The following INPP4B variants were observed in gnomAD, a reference collection of about 807,000 sequenced individuals.
INPP4B encodes the protein inositol polyphosphate-4-phosphatase type II B.
INPP4B carries 55 observed loss-of-function variants against 122.5 expected under a neutral mutation model. That is an observed-to-expected ratio of 0.45 (90% CI 0.36 to 0.56). The LOEUF (loss-of-function observed/expected upper bound fraction) is 0.56. Ranked by LOEUF, INPP4B falls within the 20% of genes least tolerant of loss-of-function variation. The probability of loss-of-function intolerance (pLI) is 0.00; values close to 1 mark genes in which losing one functional copy is unlikely to be tolerated. For synonymous variants in INPP4B, 403 were observed against 388.7 expected (o/e 1.04, Z -0.43); for missense variants, 1,000 against 1,097.7 (o/e 0.91, Z 1.26).
At chr4:142,483,055 C>A (rs1820752388) in intron 2 of INPP4B, among the ~76,000 whole-genome samples, 1 of 151,822 alleles carries the variant, frequency 6.6e-6, no homozygotes. Flanking sequence ...CTTCTTTATG[C>A]ATAGTCCCCC....
chr4:142,328,847 CAA>C (rs1773402996), intron 7 of INPP4B, among the ~76,000 whole-genome samples: 1 of 152,054 alleles, frequency 6.6e-6, no homozygotes, highest in Non-Finnish European at 1.5e-5. Context: ...GTCCTAAAAC[CAA>C]AAGTTTGAGA....
intron 2 of INPP4B, among the ~76,000 whole-genome samples, chr4:142,464,608 G>A (rs1347694679): frequency 1.5e-5 from 2 of 129,654 alleles, no homozygotes; most frequent in Admixed American, 8.2e-5. Flanking sequence ...TAAGATAACT[G>A]TTAAGAAAAA....
intron 2 of INPP4B, among the ~76,000 whole-genome samples, chr4:142,604,181 T>G (rs758924315): frequency 6.6e-6 from 1 of 152,148 alleles, no homozygotes; most frequent in Non-Finnish European, 1.5e-5. Context: ...TCAACACCTG[T>G]TCATGATAAA....
At chr4:142,664,501 A>C (rs1755697172) in intron 2 of INPP4B, among the ~76,000 whole-genome samples, 1 of 152,162 alleles carries the variant, frequency 6.6e-6, no homozygotes, top group African/African-American at 2.4e-5. Context: ...CATTTCTAAC[A>C]CATTAGAATG....
At chr4:142,284,390 A>G (rs1752572541) in intron 9 of INPP4B, among the ~76,000 whole-genome samples, 1 of 152,194 alleles carries the variant, frequency 6.6e-6, no homozygotes, top group African/African-American at 2.4e-5. Context: ...TAGACAGAAG[A>G]CGAGTTGACT....
At chr4:142,246,607 T>C (rs184895658) in intron 11 of INPP4B, among the ~76,000 whole-genome samples, 2 of 152,292 alleles carry the variant, frequency 1.3e-5, no homozygotes, top group African/African-American at 4.8e-5. Context: ...TGTCTATTAT[T>C]GGTGTATAGG....
At chr4:142,043,083 G>C (rs1330918852) in intron 25 of INPP4B, among the ~76,000 whole-genome samples, 1 of 152,128 alleles carries the variant, frequency 6.6e-6, no homozygotes, top group East Asian at 1.9e-4. Flanking sequence ...GGAAGTATTA[G>C]AGGATTCATC....
intron 2 of INPP4B, among the ~76,000 whole-genome samples, chr4:142,492,274 C>T (rs895961659): frequency 5.3e-5 from 8 of 151,932 alleles, no homozygotes; most frequent in Non-Finnish European, 1.0e-4. Context: ...TCTTAATGAG[C>T]AGTGTGAGAT....
At chr4:142,156,429 T>G (rs1312904974) in intron 17 of INPP4B, among the ~76,000 whole-genome samples, 1 of 152,128 alleles carries the variant, frequency 6.6e-6, no homozygotes, top group Non-Finnish European at 1.5e-5. Context: ...GCTGGAAGCA[T>G]CTGTTGCAGA....
At chr4:142,734,200 A>G (rs1766491865) in intron 1 of INPP4B, among the ~76,000 whole-genome samples, 3 of 152,176 alleles carry the variant, frequency 2.0e-5, no homozygotes, top group Non-Finnish European at 2.9e-5. Flanking sequence ...ATGCATGAGC[A>G]CAGGCTGTGA....
intron 16 of INPP4B, among the ~76,000 whole-genome samples, chr4:142,164,810 C>A (rs976722616): frequency 8.6e-5 from 13 of 151,488 alleles, no homozygotes; most frequent in Non-Finnish European, 1.5e-4. Flanking sequence ...GACCTTAAGG[C>A]AGGTCTCAAA....
At chr4:142,540,756 TGAGA>T (rs200956824) in intron 2 of INPP4B, among the ~76,000 whole-genome samples, 25 of 152,068 alleles carry the variant, frequency 1.6e-4, no homozygotes, top group East Asian at 3.9e-4. Flanking sequence ...TATGTGTGTG[TGAGA>T]GAGAGAGAAG....
rs115833920 is a variant in INPP4B, at chr4:142,041,636, C to A, written c.2643-12722G>T. ...TCCATCTCAAATAATACTACTACTA[C>A]TAATAATAATATCCCTTTTGTTTCT... On this transcript the variant is annotated intron_variant, in intron 25 of 25. Transcript: ENST00000262992. Among the ~76,000 whole-genome samples the A allele has an allele frequency of 7.2e-3, 1,088 of 152,044 alleles. 18 individuals are homozygous for A. Among genetic ancestry groups the A allele is most frequent in the African/African-American group, 0.024 (983 of 41,474 alleles).
At chr4:142,306,887 A>G (rs1763585382) in intron 8 of INPP4B, among the ~76,000 whole-genome samples, 1 of 152,132 alleles carries the variant, frequency 6.6e-6, no homozygotes, top group Non-Finnish European at 1.5e-5. Flanking sequence ...AAAAAGAAAG[A>G]AAAGGAAAGG....
intron 7 of INPP4B, among the ~76,000 whole-genome samples, chr4:142,348,441 G>C (rs1245050483): frequency 6.6e-6 from 1 of 151,906 alleles, no homozygotes; most frequent in Non-Finnish European, 1.5e-5. Context: ...ACTCAAATCA[G>C]GTTAATTACT....
At chr4:142,617,889 A>T (rs115620089) in intron 2 of INPP4B, among the ~76,000 whole-genome samples, 2,055 of 152,268 alleles carry the variant, frequency 0.013, 36 homozygotes, top group African/African-American at 0.039. Context: ...GAGATTCTCA[A>T]GTCACTTGTC....
intron 2 of INPP4B, among the ~76,000 whole-genome samples, chr4:142,516,163 T>C (rs1469904209): frequency 1.3e-5 from 2 of 152,132 alleles, no homozygotes; most frequent in Non-Finnish European, 2.9e-5. Flanking sequence ...AAGATCTCTT[T>C]TTTTGCTGAA....
chr4:142,510,516 T>C (rs189310260), intron 2 of INPP4B, among the ~76,000 whole-genome samples: 31 of 152,346 alleles, frequency 2.0e-4, no homozygotes, highest in Admixed American at 9.8e-4. Context: ...ATTAAACGCC[T>C]CTTTTGCACA....
At chr4:142,255,681 C>G (rs1411622007) in intron 11 of INPP4B, among the ~76,000 whole-genome samples, 2 of 152,162 alleles carry the variant, frequency 1.3e-5, no homozygotes, top group East Asian at 1.9e-4. Context: ...ATACCCAATA[C>G]AGGAGCACCC....
Sources: gnomAD v4.1 joint callset for allele counts (sites outside exome capture counted in the v4.1 genomes callset) on GRCh38, gnomAD v4.1.1 for gene constraint, MANE v1.5 for transcripts, NCBI Gene and HGNC (gene_info 2026-07-23, HGNC 2026-07-21) for gene names.